ELK3: variants seen among roughly 807,000 people sequenced by gnomAD.
ELK3 encodes ETS transcription factor ELK3, also known as ETS domain-containing protein Elk-3.
In ELK3, 10 loss-of-function variants were observed where a neutral mutation model predicts 28.9. The ratio of observed to expected loss-of-function variants is 0.35; its 90% confidence interval spans 0.21 to 0.59. ELK3 has a LOEUF of 0.59. ELK3 is among the 20% of genes least tolerant of loss of function. ELK3 has a pLI of 0.82. For missense variants in ELK3, 463 were observed against 517.3 expected (o/e 0.90, Z 1.02); for synonymous variants, 272 against 243.5 (o/e 1.12, Z -1.09).
intron 2 of ELK3, among the ~76,000 whole-genome samples, chr12:96,235,171 C>T (rs114845402): frequency 6.6e-5 from 10 of 151,928 alleles, no homozygotes; most frequent in African/African-American, 2.4e-4. Flanking sequence ...ACCATCTCAC[C>T]CCAACCCAAC....
intron 2 of ELK3, among the ~76,000 whole-genome samples, chr12:96,246,724 T>TA (rs1417824450): frequency 6.6e-6 from 1 of 152,170 alleles, no homozygotes; most frequent in Non-Finnish European, 1.5e-5. Flanking sequence ...AAGTGGCACT[T>TA]AATTTGCCAA....
At position 96,259,764 on chromosome 12, in the gene ELK3, C is replaced by G; in HGVS notation, c.1036C>G (p.Leu346Val). 1 of 1,611,026 alleles carries G rather than the reference C, an allele frequency of 6.2e-7. No homozygotes were observed. The highest frequency in any genetic ancestry group is 2.2e-5 in the East Asian group (1 of 44,780). Residue 346 changes from leucine to valine, a missense_variant, in exon 4 of 5, where the codon CTG becomes GTG. This residue lies in a region of ELK3 where 408 missense variants were observed against 414.8 expected (regional missense o/e 0.98). Transcript: ENST00000228741. ...PNGLLLTPSP[L>V]LSSIHFWSSL... ...TGGATTGCTTCTGACTCCGAGTCCACTGCTCTCCAGCATACATTTCTGGAG... is the reference window on the plus strand; with the variant it reads ...TGGATTGCTTCTGACTCCGAGTCCAGTGCTCTCCAGCATACATTTCTGGAG...
intron 2 of ELK3, among the ~76,000 whole-genome samples, chr12:96,244,479 C>CA (rs1951843098): frequency 7.8e-6 from 1 of 128,992 alleles, no homozygotes; most frequent in Non-Finnish European, 1.6e-5. Flanking sequence ...AAAGAAGAAA[C>CA]AGTTATTTAA....
At chr12:96,231,539 C>A (rs1951741768) in intron 2 of ELK3, among the ~76,000 whole-genome samples, 1 of 152,214 alleles carries the variant, frequency 6.6e-6, no homozygotes, top group African/African-American at 2.4e-5. Flanking sequence ...GTTGGCCAGA[C>A]TGGAGTGCAG....
chr12:96,218,476 G>A (rs1291666642), intron 1 of ELK3, among the ~76,000 whole-genome samples: 1 of 152,096 alleles, frequency 6.6e-6, no homozygotes, highest in African/African-American at 2.4e-5. Flanking sequence ...TGGGGAGAGA[G>A]GGAGGGAGTG....
chr12:96,211,258 T>C, intron 1 of ELK3, among the ~76,000 whole-genome samples: 1 of 152,204 alleles, frequency 6.6e-6, no homozygotes. Flanking sequence ...CAGAATTCCA[T>C]GGGATCTCAG....
chr12:96,244,264 A>G (rs1951841586), intron 2 of ELK3, among the ~76,000 whole-genome samples: 1 of 151,954 alleles, frequency 6.6e-6, no homozygotes. Flanking sequence ...GTTGTTCCTC[A>G]TGTTCTTTTT....
intron 1 of ELK3, among the ~76,000 whole-genome samples, chr12:96,223,275 T>A (rs1045052009): frequency 6.6e-5 from 10 of 152,286 alleles, no homozygotes; most frequent in Middle Eastern, 6.8e-3. Context: ...CATTAATCAT[T>A]GTTCTGCATC....
intron 1 of ELK3, among the ~76,000 whole-genome samples, chr12:96,219,526 C>T (rs1292339797): frequency 1.3e-5 from 2 of 151,996 alleles, no homozygotes. Context: ...GAAACTTGAT[C>T]TCATAGTTAA....
chr12:96,240,254 G>A (rs1253885775), intron 2 of ELK3, among the ~76,000 whole-genome samples: 1 of 151,352 alleles, frequency 6.6e-6, no homozygotes, highest in African/African-American at 2.5e-5. Flanking sequence ...GCAGCCTTCT[G>A]TGAGGGTTAA....
At position 96,240,847 on chromosome 12, in the gene ELK3, G is replaced by A. The variant is rs147357944; in HGVS notation, c.208-6093G>A. On this transcript the variant is annotated intron_variant, in intron 2 of 4. Coordinates refer to ENST00000228741, the MANE Select transcript of ELK3 (RefSeq NM_005230.4). ...GCTCCTCGCGGGGAGGAAAACGGAA[G>A]ATCAGATAACAAGACTAAGCACGTG... Among the ~76,000 whole-genome samples the A allele has an allele frequency of 2.0e-3, 310 of 152,274 alleles. 1 individual carries two copies. Among genetic ancestry groups the A allele is most frequent in the African/African-American group, 7.1e-3 (293 of 41,548 alleles).
rs1158667105 is a variant in ELK3 at position 96,259,777 on chromosome 12, T to C, written c.1049T>C (p.Ile350Thr). ...LLTPSPLLSS[I>T]HFWSSLSPVA... The stretch of plus-strand genomic sequence containing the variant: ...ACTCCGAGTCCACTGCTCTCCAGCA[T>C]ACATTTCTGGAGCAGCCTTAGTCCA... The change falls in exon 4 of 5, where the codon ATA (isoleucine) becomes ACA (threonine). Residue 350 changes from isoleucine to threonine, a missense_variant. Physicochemically the swap from Ile to Thr is moderately conservative, Grantham distance 89 (BLOSUM62 -1). Around this residue, in one of 2 missense-constraint regions of ELK3, gnomAD observed 408 missense variants for 414.8 expected, o/e 0.98. Coordinates refer to ENST00000228741, the MANE Select transcript of ELK3 (RefSeq NM_005230.4). The C allele has an allele frequency of 6.2e-7, 1 of 1,611,672 alleles. No homozygotes were observed. The highest frequency in any genetic ancestry group is 1.7e-5 in the Admixed American group (1 of 59,910).
At chr12:96,239,273 T>C (rs1443735352) in intron 2 of ELK3, among the ~76,000 whole-genome samples, 1 of 152,208 alleles carries the variant, frequency 6.6e-6, no homozygotes, top group Admixed American at 6.5e-5. Flanking sequence ...TAAATATATA[T>C]GCAATAGAAC....
Position 96,260,545 on chromosome 12 carries a change from C to A in ELK3, c.1125+692C>A, listed in dbSNP as rs540859510. Among the ~76,000 whole-genome samples, 1,514 of 152,214 alleles carry A rather than the reference C, an allele frequency of 9.9e-3. 41 individuals are homozygous for A. Among genetic ancestry groups the A allele is most frequent in the Admixed American group, 0.061 (924 of 15,272 alleles). ...GACTTAGCTGCTTTATCTTATAGAACTCTCCATACTAGGCGAGCACCTTCA... is the reference window on the plus strand; with the variant it reads ...GACTTAGCTGCTTTATCTTATAGAAATCTCCATACTAGGCGAGCACCTTCA... On this transcript the variant is annotated intron_variant, in intron 4 of 4. Coordinates refer to ENST00000228741, the MANE Select transcript of ELK3 (RefSeq NM_005230.4).
In ELK3 at chr12:96,199,028, G is replaced by GAACATTACTTGAA. The variant is rs1300559519; in HGVS notation, c.-3+4325_-3+4326insCATTACTTGAAAA. Among the ~76,000 whole-genome samples, 12 of 152,262 alleles carry GAACATTACTTGAA rather than the reference G, an allele frequency of 7.9e-5. No individual in the cohort carries two copies. In the South Asian group the frequency reaches 1.5e-3, roughly 18 times the overall value. ...CTCTGTGGTTCAAGTAATGTTCTAAGAATGCTGCCCTCTTGAAAGACTGAG... is the reference window on the plus strand; with the variant it reads ...CTCTGTGGTTCAAGTAATGTTCTAAGAACATTACTTGAAAATGCTGCCCTCTTGAAAGACTGAG... On this transcript the variant is annotated intron_variant, in intron 1 of 4. Coordinates refer to ENST00000228741, the MANE Select transcript of ELK3 (RefSeq NM_005230.4).
intron 1 of ELK3, among the ~76,000 whole-genome samples, chr12:96,202,135 C>T (rs973592920): frequency 2.0e-5 from 3 of 152,178 alleles, no homozygotes; most frequent in African/African-American, 4.8e-5. Context: ...GATCCCTTCT[C>T]TCCCCAGGAG....
chr12:96,229,479 C>T (rs1442113109), intron 2 of ELK3, among the ~76,000 whole-genome samples: 3 of 151,832 alleles, frequency 2.0e-5, no homozygotes, highest in Non-Finnish European at 2.9e-5. Context: ...TCGCTGCCCC[C>T]ATCATCACAT....
intron 2 of ELK3, among the ~76,000 whole-genome samples, chr12:96,226,334 G>A (rs1330220727): frequency 6.6e-6 from 1 of 152,192 alleles, no homozygotes; most frequent in Non-Finnish European, 1.5e-5. Context: ...AGCTGGAGCT[G>A]GCAGTAAGGG....
chr12:96,204,139 T>C (rs556249384), intron 1 of ELK3, among the ~76,000 whole-genome samples: 22 of 152,312 alleles, frequency 1.4e-4, no homozygotes, highest in African/African-American at 4.8e-4. Flanking sequence ...ATTCGTGGGA[T>C]AGGATATGTT....
Sources: allele counts gnomAD v4.1 joint callset (sites outside exome capture counted in the v4.1 genomes callset), GRCh38; gene constraint gnomAD v4.1.1; regional missense constraint gnomAD v4.1.1; transcripts MANE v1.5; gene names NCBI Gene and HGNC (gene_info 2026-07-23, HGNC 2026-07-21).